SYT14: variants seen among roughly 807,000 people sequenced by gnomAD.
SYT14 encodes the protein synaptotagmin 14, also known as synaptotagmin-14.
A neutral mutation model predicts 74.2 loss-of-function variants in SYT14; 32 were observed. That is an observed-to-expected ratio of 0.43 (90% CI 0.33 to 0.58). The LOEUF (loss-of-function observed/expected upper bound fraction) is 0.58, where lower values mean the gene tolerates loss of function less well. Ranked by LOEUF, SYT14 falls within the 20% of genes least tolerant of loss-of-function variation. SYT14 has a pLI of 0.05. For synonymous variants in SYT14, 298 were observed against 337.7 expected, an observed-to-expected ratio of 0.88 and a Z score of 1.29; for missense variants, 791 against 981.8, an observed-to-expected ratio of 0.81 and a Z score of 2.60.
chr1:209,947,655 A>C (rs2078843503), intron 1 of SYT14, among the ~76,000 whole-genome samples: 1 of 152,228 alleles, frequency 6.6e-6, no homozygotes, highest in Non-Finnish European at 1.5e-5. Flanking sequence ...ACATTGTTGG[A>C]ATGACAAAGG....
chr1:210,016,586 C>T lies in SYT14; in HGVS notation c.583C>T (p.Gln195Ter). The T allele has an allele frequency of 8.1e-7, 1 of 1,231,716 alleles. No homozygotes were observed. Among genetic ancestry groups the T allele is most frequent in the Non-Finnish European group, 1.0e-6 (1 of 987,836 alleles). The allele number at this position is 1,231,716 out of a possible 1,614,324, so 76.3% of individuals were successfully genotyped here. A position where few individuals can be genotyped will look rare whatever the true frequency, so the allele number is the denominator to read the frequency against. ...GAATGATTTAAAGGAGGTAGGATAT[C>T]AAGAAATGAAAGGAAATCAGAAGAA... The change falls in exon 4 of 10, where the codon CAA becomes TAA. Residue 195 changes from glutamine to a stop codon, truncating the protein, a stop_gained. Coordinates refer to ENST00000637265, the Ensembl canonical transcript of SYT14. LOFTEE classifies it high-confidence loss of function.
At chr1:210,131,192 C>G (rs2082666509) in intron 7 of SYT14, among the ~76,000 whole-genome samples, 1 of 152,136 alleles carries the variant, frequency 6.6e-6, no homozygotes, top group Non-Finnish European at 1.5e-5. Context: ...ATCATCATCA[C>G]TGTTGTTTCT....
intron 2 of SYT14, among the ~76,000 whole-genome samples, chr1:209,980,711 A>C (rs1051410780): frequency 1.3e-5 from 2 of 152,090 alleles, no homozygotes; most frequent in African/African-American, 4.8e-5. Flanking sequence ...GGGAGCCCTT[A>C]TCCCATTGCT....
At chr1:210,153,235 C>G (rs2083202956) in intron 7 of SYT14, among the ~76,000 whole-genome samples, 1 of 152,154 alleles carries the variant, frequency 6.6e-6, no homozygotes, top group East Asian at 1.9e-4. Flanking sequence ...GTGCTTTGTC[C>G]TCACCACATT....
chr1:209,994,631 T>TA (rs2079754532), intron 2 of SYT14, among the ~76,000 whole-genome samples: 1 of 152,072 alleles, frequency 6.6e-6, no homozygotes, highest in African/African-American at 2.4e-5. Context: ...ATCCAATAAA[T>TA]ACAGAGAACA....
At chr1:210,109,888 C>T (rs1277003878) in intron 7 of SYT14, among the ~76,000 whole-genome samples, 2 of 152,138 alleles carry the variant, frequency 1.3e-5, no homozygotes, top group Non-Finnish European at 2.9e-5. Flanking sequence ...CAGTGATAGA[C>T]TGGATAAAGA....
At chr1:209,981,440 T>TTTTTC (rs1308174922) in intron 2 of SYT14, among the ~76,000 whole-genome samples, 2 of 134,972 alleles carry the variant, frequency 1.5e-5, no homozygotes. Flanking sequence ...TTTCTTTTTC[T>TTTTTC]TTTTCTTTTC....
chr1:210,085,382 G>T (rs549504828), intron 5 of SYT14, among the ~76,000 whole-genome samples: 1 of 151,956 alleles, frequency 6.6e-6, no homozygotes, highest in African/African-American at 2.4e-5. Flanking sequence ...TCCCCTTATT[G>T]CCCTGGCTAG....
intron 2 of SYT14, among the ~76,000 whole-genome samples, chr1:210,005,701 T>A (rs773962000): frequency 2.0e-5 from 3 of 151,914 alleles, no homozygotes; most frequent in Admixed American, 6.6e-5. Context: ...GAATCATAAT[T>A]CTAAAGCCTC....
chr1:210,109,770 A>G (rs1384208600), intron 7 of SYT14, among the ~76,000 whole-genome samples: 1 of 152,196 alleles, frequency 6.6e-6, no homozygotes, highest in Non-Finnish European at 1.5e-5. Context: ...ATTGCTGAGT[A>G]TATACCCAAA....
At chr1:210,136,049 T>C (rs2082778735) in intron 7 of SYT14, among the ~76,000 whole-genome samples, 1 of 152,198 alleles carries the variant, frequency 6.6e-6, no homozygotes, top group South Asian at 2.1e-4. Context: ...TATTTAAATA[T>C]GGCTGAGACA....
At chr1:210,076,372 A>T (rs2081500957) in intron 5 of SYT14, among the ~76,000 whole-genome samples, 1 of 152,166 alleles carries the variant, frequency 6.6e-6, no homozygotes, top group Non-Finnish European at 1.5e-5. Flanking sequence ...CCATCACAAT[A>T]ATTTAATTTT....
chr1:210,139,981 G>A (rs2082881875), intron 7 of SYT14, among the ~76,000 whole-genome samples: 1 of 152,078 alleles, frequency 6.6e-6, no homozygotes, highest in African/African-American at 2.4e-5. Flanking sequence ...TTTCTCTTGA[G>A]TATATGTCCA....
intron 7 of SYT14, among the ~76,000 whole-genome samples, chr1:210,135,423 C>T (rs901740281): frequency 3.9e-5 from 6 of 152,142 alleles, no homozygotes; most frequent in African/African-American, 1.4e-4. Context: ...TTTTCAGCCT[C>T]TATAAGTTAA....
At chr1:210,000,350 A>G (rs1419531135) in intron 2 of SYT14, among the ~76,000 whole-genome samples, 1 of 152,068 alleles carries the variant, frequency 6.6e-6, no homozygotes, top group Non-Finnish European at 1.5e-5. Context: ...GAAATTATAC[A>G]TGTAAAATAC....
chr1:210,039,260 G>A (rs1247913616), intron 5 of SYT14, among the ~76,000 whole-genome samples: 1 of 151,830 alleles, frequency 6.6e-6, no homozygotes, highest in Non-Finnish European at 1.5e-5. Context: ...AGACTCTTGG[G>A]ACACTCAGAT....
chr1:210,038,189 T>C (rs1246250871), intron 5 of SYT14, among the ~76,000 whole-genome samples: 2 of 152,090 alleles, frequency 1.3e-5, no homozygotes, highest in South Asian at 2.1e-4. Context: ...TCTTCTTTTA[T>C]TGTTGTTGAT....
At chr1:210,066,931 G>A (rs1233452337) in intron 5 of SYT14, among the ~76,000 whole-genome samples, 1 of 151,924 alleles carries the variant, frequency 6.6e-6, no homozygotes, top group East Asian at 1.9e-4. Context: ...TTTCTTCCAA[G>A]AGTTTTATAC....
intron 2 of SYT14, among the ~76,000 whole-genome samples, chr1:209,985,420 G>C (rs1450172020): frequency 6.6e-6 from 1 of 152,230 alleles, no homozygotes; most frequent in Non-Finnish European, 1.5e-5. Flanking sequence ...CTGCTTCAAG[G>C]GGTGGGCTCC....
Sources: allele counts gnomAD v4.1 joint callset (sites outside exome capture counted in the v4.1 genomes callset), GRCh38; gene constraint gnomAD v4.1.1; transcripts MANE v1.5; gene names NCBI Gene and HGNC (gene_info 2026-07-23, HGNC 2026-07-21).